The following TENM4 variants were observed in gnomAD, a reference collection of about 807,000 sequenced individuals.
TENM4 encodes the protein teneurin-4.
A neutral mutation model predicts 243.3 loss-of-function variants in TENM4; 82 were observed. That is an observed-to-expected ratio of 0.34 (90% CI 0.28 to 0.40). The LOEUF (loss-of-function observed/expected upper bound fraction) is 0.40. TENM4 is among the 10% of genes least tolerant of loss of function. TENM4 has a pLI of 1.00. For missense variants in TENM4, 3,138 were observed against 3,673.3 expected (o/e 0.85, Z 3.77); for synonymous variants, 1,412 against 1,456.3 (o/e 0.97, Z 0.69).
chr11:79,289,484 C>A (rs538357961), intron 2 of TENM4, among the ~76,000 whole-genome samples: 1 of 152,374 alleles, frequency 6.6e-6, no homozygotes, highest in South Asian at 2.1e-4. Flanking sequence ...GCTGTCACTG[C>A]AGTGGGCAAC....
chr11:78,889,893 G>T lies in TENM4; in HGVS notation c.976C>A (p.Pro326Thr). ...GAGGGCTTCTTGAGGTTAAAGGCCG[G>T]CCGGGCGAAGGTGCTGCGGGGCAGG... ...RPLPRSTFAR[P>T]AFNLKKPSKY... The change falls in exon 9 of 34, where the codon CCG (proline) becomes ACG (threonine). Residue 326 changes from proline (P) to threonine (T), a missense_variant. Coordinates refer to ENST00000278550, the MANE Select transcript of TENM4 (RefSeq NM_001098816.3). The T allele has an allele frequency of 6.4e-7, 1 of 1,551,802 alleles. No homozygotes were observed. The highest frequency in any genetic ancestry group is 8.7e-7 in the Non-Finnish European group (1 of 1,147,026).
intron 1 of TENM4, among the ~76,000 whole-genome samples, chr11:79,306,192 T>C (rs753423385): frequency 1.3e-5 from 2 of 152,204 alleles, no homozygotes; most frequent in Non-Finnish European, 2.9e-5. Context: ...TGTATGACAC[T>C]GTAAGAGACA....
intron 28 of TENM4, among the ~76,000 whole-genome samples, chr11:78,690,045 G>A (rs564974701): frequency 1.7e-4 from 26 of 152,222 alleles, no homozygotes; most frequent in African/African-American, 6.3e-4. Flanking sequence ...TGGGTGGTTG[G>A]GGGCTTCAAA....
At chr11:78,671,424 G>T (rs899836225) in intron 31 of TENM4, among the ~76,000 whole-genome samples, 1 of 152,212 alleles carries the variant, frequency 6.6e-6, no homozygotes, top group Admixed American at 6.5e-5. Flanking sequence ...CAGGGATCTG[G>T]ATACTTGAAA....
intron 1 of TENM4, among the ~76,000 whole-genome samples, chr11:79,410,056 C>CA (rs895012846): frequency 6.6e-6 from 1 of 152,032 alleles, no homozygotes; most frequent in Non-Finnish European, 1.5e-5. Flanking sequence ...AAAAAAATAG[C>CA]AAAAAAACCC....
At chr11:78,883,126 C>T (rs773095637) in intron 9 of TENM4, among the ~76,000 whole-genome samples, 11 of 152,236 alleles carry the variant, frequency 7.2e-5, no homozygotes, top group East Asian at 1.9e-4. Context: ...GGTCCAAGGA[C>T]GGGTAACAAC....
intron 1 of TENM4, among the ~76,000 whole-genome samples, chr11:79,300,556 A>G (rs921650529): frequency 1.3e-5 from 2 of 152,140 alleles, no homozygotes; most frequent in Non-Finnish European, 1.5e-5. Context: ...ATCACTTGTC[A>G]TTTTACCAGC....
intron 9 of TENM4, among the ~76,000 whole-genome samples, chr11:78,867,243 C>T (rs182251197): frequency 6.8e-4 from 104 of 152,078 alleles, no homozygotes; most frequent in African/African-American, 2.4e-3. Context: ...TGCCACCTAT[C>T]TCCAAACCTC....
At chr11:79,294,190 C>T (rs1856406564) in intron 2 of TENM4, among the ~76,000 whole-genome samples, 1 of 152,288 alleles carries the variant, frequency 6.6e-6, no homozygotes, top group Admixed American at 6.5e-5. Context: ...ATCATTACTA[C>T]TACTACTGCT....
At chr11:79,365,366 G>C (rs1182627795) in intron 1 of TENM4, among the ~76,000 whole-genome samples, 2 of 152,084 alleles carry the variant, frequency 1.3e-5, no homozygotes, top group South Asian at 2.1e-4. Context: ...CAGCCGAAAA[G>C]CTCCCAGTAG....
At chr11:79,094,732 CG>C (rs1261725952) in intron 4 of TENM4, among the ~76,000 whole-genome samples, 1 of 152,120 alleles carries the variant, frequency 6.6e-6, no homozygotes, top group Non-Finnish European at 1.5e-5. Flanking sequence ...TAGAGGCCTC[CG>C]TAAATCAGGC....
intron 4 of TENM4, among the ~76,000 whole-genome samples, chr11:79,123,700 CT>C (rs1201895552): frequency 2.0e-5 from 3 of 151,956 alleles, no homozygotes; most frequent in Non-Finnish European, 4.4e-5. Flanking sequence ...CAAAATGTCC[CT>C]TTTCGGGGAA....
At chr11:79,433,017 G>A (rs1859200915) in intron 1 of TENM4, among the ~76,000 whole-genome samples, 1 of 152,130 alleles carries the variant, frequency 6.6e-6, no homozygotes, top group African/African-American at 2.4e-5. Context: ...GACTGATGCT[G>A]CCCCTCTGCA....
intron 30 of TENM4, among the ~76,000 whole-genome samples, chr11:78,674,567 T>C (rs1858416488): frequency 6.6e-6 from 1 of 152,216 alleles, no homozygotes; most frequent in Admixed American, 6.5e-5. Context: ...TCAGAGGAGC[T>C]GCTCAAGGCT....
At chr11:79,080,289 G>A (rs1860633922) in intron 4 of TENM4, among the ~76,000 whole-genome samples, 1 of 152,232 alleles carries the variant, frequency 6.6e-6, no homozygotes, top group African/African-American at 2.4e-5. Context: ...AGCGGATGCA[G>A]TCTTGATCCT....
chr11:79,243,734 A>T (rs1441241905), intron 2 of TENM4, among the ~76,000 whole-genome samples: 1 of 152,144 alleles, frequency 6.6e-6, no homozygotes, highest in Non-Finnish European at 1.5e-5. Flanking sequence ...AAACCAGGAG[A>T]GCAAATATTT....
At chr11:79,365,940 T>C (rs950510677) in intron 1 of TENM4, among the ~76,000 whole-genome samples, 1 of 152,104 alleles carries the variant, frequency 6.6e-6, no homozygotes, top group African/African-American at 2.4e-5. Flanking sequence ...ACTTTAAACT[T>C]TACTTTGAAA....
At chr11:79,057,357 T>C (rs1859969539) in intron 6 of TENM4, among the ~76,000 whole-genome samples, 1 of 151,664 alleles carries the variant, frequency 6.6e-6, no homozygotes, top group Non-Finnish European at 1.5e-5. Flanking sequence ...CACACACTCC[T>C]GCCTTAAGGC....
At chr11:79,210,129 G>T (rs780814197) in intron 3 of TENM4, among the ~76,000 whole-genome samples, 1 of 152,160 alleles carries the variant, frequency 6.6e-6, no homozygotes, top group African/African-American at 2.4e-5. Context: ...GAAGTACGGT[G>T]TCCTCTTTAG....
Sources: allele counts gnomAD v4.1 joint callset (sites outside exome capture counted in the v4.1 genomes callset), GRCh38; gene constraint gnomAD v4.1.1; transcripts MANE v1.5; gene names NCBI Gene and HGNC (gene_info 2026-07-23, HGNC 2026-07-21).